Variants in EMCN observed in about 807,000 individuals in gnomAD.
EMCN encodes endomucin, also known as MUC-14.
A neutral mutation model predicts 38.4 loss-of-function variants in EMCN; 37 were observed. The observed-to-expected ratio is 0.96, with a 90% CI of 0.74 to 1.27. The LOEUF (loss-of-function observed/expected upper bound fraction) is 1.27. EMCN is among the 50% of genes most tolerant of loss of function. The pLI, the probability that EMCN is intolerant of heterozygous loss-of-function variation, is 0.00. For missense variants in EMCN, 318 were observed against 302.8 expected (o/e 1.05, Z -0.37); for synonymous variants, 95 against 100.8 (o/e 0.94, Z 0.35).
intron 11 of EMCN, among the ~76,000 whole-genome samples, chr4:100,400,867 C>A (rs577470174): frequency 2.0e-4 from 31 of 152,146 alleles, no homozygotes; most frequent in Middle Eastern, 3.4e-3. Context: ...ACGTCCATAC[C>A]AATATCAGTC....
intron 1 of EMCN, among the ~76,000 whole-genome samples, chr4:100,491,551 G>A (rs1415945478): frequency 6.6e-6 from 1 of 152,182 alleles, no homozygotes; most frequent in Admixed American, 6.5e-5. Context: ...ATTCTACAGA[G>A]CAAAGCAGTT....
intron 8 of EMCN, among the ~76,000 whole-genome samples, chr4:100,420,667 A>T (rs932103498): frequency 1.3e-5 from 2 of 152,112 alleles, no homozygotes; most frequent in Non-Finnish European, 2.9e-5. Context: ...TATCAGTATT[A>T]GTTCACTAAT....
At chr4:100,517,399 T>A (rs1729786006) in intron 1 of EMCN, among the ~76,000 whole-genome samples, 1 of 152,078 alleles carries the variant, frequency 6.6e-6, no homozygotes, top group African/African-American at 2.4e-5. Flanking sequence ...ACTCCTCAAT[T>A]TATCAGAGCT....
intron 5 of EMCN, among the ~76,000 whole-genome samples, chr4:100,425,925 T>C (rs762039104): frequency 2.6e-5 from 4 of 152,140 alleles, no homozygotes; most frequent in Non-Finnish European, 4.4e-5. Context: ...GTGATTGTTA[T>C]GATTATTGAA....
Position 100,416,474 on chromosome 4 carries a change from G to A in EMCN, c.690-515C>T, listed in dbSNP as rs893518666. ...CAAGAGTTCTCATCTATCCAAAAGA[G>A]TTTCAAACTCTAATTATTTCCTTTG... On this transcript the variant is annotated intron_variant, in intron 9 of 11. Coordinates refer to ENST00000296420, the MANE Select transcript of EMCN (RefSeq NM_016242.4). Among the ~76,000 whole-genome samples the A allele has an allele frequency of 2.6e-5, 4 of 152,120 alleles. No homozygotes were observed. In the East Asian group the frequency reaches 7.7e-4, roughly 29 times the overall value.
At chr4:100,468,437 T>A (rs1728383155) in intron 3 of EMCN, among the ~76,000 whole-genome samples, 1 of 152,202 alleles carries the variant, frequency 6.6e-6, no homozygotes, top group Non-Finnish European at 1.5e-5. Context: ...TGGATTTTAA[T>A]TTTATAGGGA....
At chr4:100,478,430 G>T (rs1192617416) in intron 2 of EMCN, among the ~76,000 whole-genome samples, 2 of 152,122 alleles carry the variant, frequency 1.3e-5, no homozygotes, top group Non-Finnish European at 1.5e-5. Flanking sequence ...TTTGATGATG[G>T]CATGGTAGCT....
chr4:100,448,838 C>T (rs71619731), intron 4 of EMCN, among the ~76,000 whole-genome samples: 131,897 of 143,544 alleles, frequency 0.92, 60,167 homozygotes, highest in South Asian at 0.97. Context: ...CTCCCTCCCT[C>T]CCTCCCTTCC....
chr4:100,506,074 G>A (rs1729472329), intron 1 of EMCN, among the ~76,000 whole-genome samples: 2 of 152,074 alleles, frequency 1.3e-5, no homozygotes, highest in African/African-American at 4.8e-5. Flanking sequence ...TACATTTTAT[G>A]ATTTGTGGTT....
intron 3 of EMCN, among the ~76,000 whole-genome samples, chr4:100,471,150 C>A (rs1002357336): frequency 6.6e-6 from 1 of 151,518 alleles, no homozygotes; most frequent in African/African-American, 2.4e-5. Flanking sequence ...AGAAAAAAAA[C>A]ACAAAAGTTT....
chr4:100,455,801 GT>G (rs1000376447), intron 4 of EMCN, among the ~76,000 whole-genome samples: 2 of 150,870 alleles, frequency 1.3e-5, no homozygotes, highest in Non-Finnish European at 3.0e-5. Flanking sequence ...TTTTTCTTTT[GT>G]TTTTTTTCTT....
At chr4:100,409,474 A>G (rs1726489018) in intron 11 of EMCN, among the ~76,000 whole-genome samples, 1 of 152,192 alleles carries the variant, frequency 6.6e-6, no homozygotes, top group African/African-American at 2.4e-5. Context: ...ACCTGCCTTG[A>G]GCTTACTCCT....
Position 100,416,024 on chromosome 4 carries a change from T to C in EMCN, c.690-65A>G, listed in dbSNP as rs1294304132. The C allele has an allele frequency of 1.6e-5, 17 of 1,061,178 alleles. No homozygotes were observed. In the Admixed American group the frequency reaches 1.7e-4, roughly 10 times the overall value. 65.7% of individuals were successfully genotyped at this position (1,061,178 alleles called of 1,614,324 possible). On this transcript the variant is annotated intron_variant, in intron 9 of 11. Coordinates refer to ENST00000296420, the MANE Select transcript of EMCN (RefSeq NM_016242.4). ...TCAGCATTGTATGTTTGTGAAAGTA[T>C]TGTGACACAAACAGAATGACGAAGA... is the stretch of plus-strand genomic sequence containing the variant.
chr4:100,421,163 G>A, intron 8 of EMCN, 119 bp downstream of exon 8: 1 of 916,910 alleles, frequency 1.1e-6, no homozygotes, highest in African/African-American at 1.7e-5. Flanking sequence ...TCTGTGATCA[G>A]GAAATATGAC....
intron 5 of EMCN, among the ~76,000 whole-genome samples, chr4:100,439,903 A>G (rs1727462937): frequency 6.6e-6 from 1 of 151,980 alleles, no homozygotes; most frequent in Admixed American, 6.6e-5. Context: ...GTTCAGGAGC[A>G]CGTTACTTAA....
At chr4:100,469,720 G>T (rs989231560) in intron 3 of EMCN, among the ~76,000 whole-genome samples, 1 of 151,980 alleles carries the variant, frequency 6.6e-6, no homozygotes, top group African/African-American at 2.4e-5. Flanking sequence ...TGGCAGCTTT[G>T]TTGAAGATTA....
In EMCN at chr4:100,475,064, G is replaced by A. The variant is rs146638605; in HGVS notation, c.233C>T (p.Ala78Val). 17 of 1,538,696 alleles carry A rather than the reference G, an allele frequency of 1.1e-5. No individual in the cohort carries two copies. The African/African-American group carries it at 1.6e-4, about 15-fold the overall frequency. Residue 78 changes from alanine to valine, a missense_variant, in exon 3 of 12, where the codon GCT (alanine) becomes GTT (valine). Transcript: ENST00000296420. ...ELLKMSLMST[A>V]TFLTSKDEGL... ...TTCATCTTTACTTGTTAAAAAAGTA[G>A]CTGTTGACATCAGAGACATTTTAAG...
chr4:100,512,207 ACTAAT>A (rs1729644202), intron 1 of EMCN, among the ~76,000 whole-genome samples: 1 of 152,186 alleles, frequency 6.6e-6, no homozygotes, highest in East Asian at 1.9e-4. Context: ...CTACTTTGGG[ACTAAT>A]TATGATTATC....
At chr4:100,448,600 C>G (rs1449584202) in intron 4 of EMCN, among the ~76,000 whole-genome samples, 1 of 152,122 alleles carries the variant, frequency 6.6e-6, no homozygotes, top group African/African-American at 2.4e-5. Flanking sequence ...TATTGTCCAC[C>G]CAGCACCTGT....
Sources: gnomAD v4.1 joint callset for allele counts (sites outside exome capture counted in the v4.1 genomes callset) on GRCh38, gnomAD v4.1.1 for gene constraint, MANE v1.5 for transcripts, NCBI Gene and HGNC (gene_info 2026-07-23, HGNC 2026-07-21) for gene names.